Variants in CCDC88B observed in about 807,000 individuals in gnomAD.
CCDC88B encodes the protein coiled-coil and HOOK domain protein 88B, also known as coiled-coil domain-containing protein 88B.
In CCDC88B, 138 loss-of-function variants were observed where a neutral mutation model predicts 183.7. That is an observed-to-expected ratio of 0.75 (90% CI 0.65 to 0.87). CCDC88B has a LOEUF of 0.87. Among genes scored for constraint, CCDC88B ranks in the 40% least tolerant of loss-of-function variants. The pLI is 0.00. For missense variants in CCDC88B, 1,822 were observed against 1,965.6 expected, an observed-to-expected ratio of 0.93 and a Z score of 1.38; for synonymous variants, 835 against 867.5, an observed-to-expected ratio of 0.96 and a Z score of 0.66.
Position 64,352,155 on chromosome 11 carries a change from A to G in CCDC88B, c.3125A>G (p.Gln1042Arg). ...LQAEKSVLEI[Q>R]GQELHRKLEV... ...GCCGAGAAGTCTGTGCTGGAGATTCAGGGCCAGGAGCTGCACCGGAAGCTG... is the reference window on the plus strand; with the variant it reads ...GCCGAGAAGTCTGTGCTGGAGATTCGGGGCCAGGAGCTGCACCGGAAGCTG... Residue 1042 changes from glutamine to arginine, a missense_variant, in exon 19 of 27, where the codon CAG (glutamine) becomes CGG (arginine). Transcript: ENST00000356786. 6.3e-7 allele frequency: 1 copy of G among 1,589,694 alleles called. No homozygotes were observed. The highest frequency in any genetic ancestry group is 8.6e-7 in the Non-Finnish European group (1 of 1,163,888).
intron 18 of CCDC88B, 39 bp downstream of exon 18, chr11:64,351,655 T>G: frequency 6.6e-7 from 1 of 1,511,764 alleles, no homozygotes; most frequent in Non-Finnish European, 8.8e-7. Context: ...GCCCATGTAC[T>G]GCCCCCTCCT....
At chr11:64,355,914 C>G in intron 26 of CCDC88B, 1 of 330,802 alleles carries the variant, frequency 3.0e-6, no homozygotes. Flanking sequence ...TGAAAAGAGA[C>G]AGGTACAATG....
At chr11:64,342,950 A>T (rs11601860) in intron 10 of CCDC88B, 160,204 of 432,390 alleles carry the variant, frequency 0.37, 27,856 homozygotes, top group Admixed American at 0.43. Flanking sequence ...CATGGACAGA[A>T]GGGCGGGGCC....
intron 26 of CCDC88B, chr11:64,356,833 G>A: frequency 1.8e-6 from 1 of 544,414 alleles, no homozygotes; most frequent in Non-Finnish European, 3.3e-6. Flanking sequence ...GCAAAGACTT[G>A]GAGGGGAGAG....
chr11:64,352,647 G>A (rs2036383514), intron 19 of CCDC88B, 97 bp from the exon 20 acceptor site: 1 of 1,549,490 alleles, frequency 6.5e-7, no homozygotes, highest in East Asian at 2.3e-5. Flanking sequence ...AGGCTTAGGA[G>A]GTGACAGACC....
At position 64,344,009 on chromosome 11, in the gene CCDC88B, G is replaced by A. The variant is rs778703785; in HGVS notation, c.1468G>A (p.Glu490Lys). 23 of 1,555,558 alleles carry A rather than the reference G, an allele frequency of 1.5e-5. No homozygotes were observed. Among genetic ancestry groups the A allele is most frequent in the Non-Finnish European group, 2.0e-5 (23 of 1,149,340 alleles). The change falls in exon 14 of 27, where the codon GAG becomes AAG. Residue 490 changes from glutamate (E) to lysine (K), a missense_variant. By Grantham distance (56) the Glu-to-Lys change is moderately conservative (BLOSUM62 1). Coordinates refer to ENST00000356786, the MANE Select transcript of CCDC88B (RefSeq NM_032251.6). This position sits in a 1 kb window ranked among gnomAD's most constrained non-coding sequence, Gnocchi z 4.5. ...CGTATGCCCTCAGCACCCCCTGCTGGAGGCACCGAGAGAGGACCCTGTTCT... is the reference window on the plus strand; with the variant it reads ...CGTATGCCCTCAGCACCCCCTGCTGAAGGCACCGAGAGAGGACCCTGTTCT... ...GQPGGQHPLLEAPREDPVLPV... is the reference protein window; with the variant it reads ...GQPGGQHPLLKAPREDPVLPV...
chr11:64,355,429 A>T, intron 25 of CCDC88B, 29 bp downstream of exon 25: 1 of 1,586,470 alleles, frequency 6.3e-7, no homozygotes, highest in Non-Finnish European at 8.6e-7. Context: ...TGTACCAGCC[A>T]GCCCCCCAAC....
Position 64,341,515 on chromosome 11 carries a change from G to A in CCDC88B, c.531+11G>A. ...GCTGCCATCCAGGAGGTACTGAGAC[G>A]GTTCGGCAGCCCAGACTGGTATGGC... On this transcript the variant is annotated intron_variant, in intron 6 of 26. Transcript: ENST00000356786. 1.2e-6 allele frequency: 2 copies of A among 1,613,520 alleles called. No homozygotes were observed. Among genetic ancestry groups the A allele is most frequent in the East Asian group, 2.2e-5 (1 of 44,844 alleles).
chr11:64,351,169 G>T lies in CCDC88B; in HGVS notation c.2872G>T (p.Gly958Cys). 6.7e-7 allele frequency: 1 copy of T among 1,481,946 alleles called. No individual in the cohort carries two copies. The allele number at this position is 1,481,946 out of a possible 1,614,324, so 91.8% of individuals were successfully genotyped here. The change falls in exon 17 of 27, where the codon GGC (glycine) becomes TGC (cysteine). Residue 958 changes from glycine (G) to cysteine (C), a missense_variant. Gly to Cys is a radical substitution (Grantham distance 159). Transcript: ENST00000356786. ...LEEELFQLRQ[G>C]PAGLGPKKRA... ...GGGACTCTCCTTGCAGCTGCGCCAG[G>T]GCCCCGCGGGGCTGGGGCCCAAAAA...
In CCDC88B at chr11:64,344,542, C is replaced by G; in HGVS notation, c.2001C>G (p.Asn667Lys). The change falls in exon 14 of 27, where the codon AAC (asparagine) becomes AAG (lysine). Residue 667 changes from asparagine to lysine, a missense_variant. Physicochemically the swap from Asn to Lys is moderately conservative, Grantham distance 94. Coordinates refer to ENST00000356786, the MANE Select transcript of CCDC88B (RefSeq NM_032251.6). This position sits in a 1 kb window ranked among gnomAD's most constrained non-coding sequence, Gnocchi z 4.5. ...SVQLEEQEGP[N>K]QGLDLATGQA... is the part of the protein sequence containing the mutation. ...AGCTGGAGGAGCAGGAGGGCCCAAACCAGGGCCTGGACCTGGCCACGGGAC... is the reference window on the plus strand; with the variant it reads ...AGCTGGAGGAGCAGGAGGGCCCAAAGCAGGGCCTGGACCTGGCCACGGGAC... The G allele has an allele frequency of 6.2e-7, 1 of 1,604,894 alleles. No homozygotes were observed.
rs1160663151 is a variant in CCDC88B at position 64,342,922 on chromosome 11, C to CG, written c.1062+249dup. The CG allele has an allele frequency of 1.6e-3, 381 of 236,090 alleles. 1 individual carries two copies. In the African/African-American group the frequency reaches 0.046, roughly 28 times the overall value. The allele number at this position is 236,090 out of a possible 1,614,324, so 14.6% of individuals were successfully genotyped here. ...GCAGCCTTGGAAGGAGGGCTGTTCCCGGGGGGGAGGGGCGGGGCATGGACA... is the reference window on the plus strand; with the variant it reads ...GCAGCCTTGGAAGGAGGGCTGTTCCCGGGGGGGGAGGGGCGGGGCATGGACA... On this transcript the variant is annotated intron_variant, in intron 10 of 26. Coordinates refer to ENST00000356786, the MANE Select transcript of CCDC88B (RefSeq NM_032251.6).
intron 26 of CCDC88B, 171 bp from the exon 27 acceptor site, chr11:64,356,868 A>C (rs1353101978): frequency 3.2e-6 from 2 of 628,558 alleles, no homozygotes; most frequent in Non-Finnish European, 2.8e-6. Flanking sequence ...ATACCTGAGA[A>C]CAGCATTCTG....
At chr11:64,356,772 T>G in intron 26 of CCDC88B, 11 of 454,754 alleles carry the variant, frequency 2.4e-5, no homozygotes, top group East Asian at 1.0e-4. Context: ...CTGGTTGGAG[T>G]TTTAGTAACT....
Position 64,344,802 on chromosome 11 carries a change from A to C in CCDC88B, c.2261A>C (p.Lys754Thr). ...LGDELEAQAR[K>T]LEAQNTEAAR... ...GATGAGCTGGAAGCCCAGGCCCGCAAGCTGGAGGCCCAAAACACGGAGGCT... is the reference window on the plus strand; with the variant it reads ...GATGAGCTGGAAGCCCAGGCCCGCACGCTGGAGGCCCAAAACACGGAGGCT... Residue 754 changes from lysine to threonine, a missense_variant, in exon 14 of 27, where the codon AAG (lysine) becomes ACG (threonine). Transcript: ENST00000356786. The surrounding 1 kb of genome is among the most constrained non-coding windows in gnomAD (Gnocchi z 4.5). The C allele has an allele frequency of 6.2e-7, 1 of 1,613,108 alleles. No homozygotes were observed. Among genetic ancestry groups the C allele is most frequent in the Non-Finnish European group, 8.5e-7 (1 of 1,179,688 alleles).
Position 64,349,469 on chromosome 11 carries a change from G to T in CCDC88B, c.2744+11G>T. The T allele has an allele frequency of 6.2e-7, 1 of 1,609,336 alleles. No homozygotes were observed. The highest frequency in any genetic ancestry group is 8.5e-7 in the Non-Finnish European group (1 of 1,177,684). On this transcript the variant is annotated intron_variant, in intron 15 of 26. Coordinates refer to ENST00000356786, the MANE Select transcript of CCDC88B (RefSeq NM_032251.6). ...AAGCCAGCACCAGAGGTGGGGACAG[G>T]GCTGAGGGGAAGAATGAGGGAGGCA...
At position 64,344,618 on chromosome 11, in the gene CCDC88B, C is replaced by A. The variant is rs374880639; in HGVS notation, c.2077C>A (p.Pro693Thr). Residue 693 changes from proline to threonine, a missense_variant, in exon 14 of 27, where the codon CCA becomes ACA. By Grantham distance (38) the Pro-to-Thr change is conservative. Transcript: ENST00000356786. This position sits in a 1 kb window ranked among gnomAD's most constrained non-coding sequence, Gnocchi z 4.5. The stretch of plus-strand genomic sequence containing the variant: ...GAGGCTGGAAGGGACGGTCAGGGAC[C>A]CAGCCTGGCAAAAACCACAGCAGAA... ...DQRLEGTVRD[P>T]AWQKPQQKSE... is the part of the protein sequence containing the mutation. 49 of 1,612,928 alleles carry A rather than the reference C, an allele frequency of 3.0e-5. No individual in the cohort carries two copies. The African/African-American group carries it at 6.1e-4, about 20-fold the overall frequency.
At chr11:64,351,770 A>G (rs928425049) in intron 18 of CCDC88B, among the ~76,000 whole-genome samples, 154 bp downstream of exon 18, 4 of 151,342 alleles carry the variant, frequency 2.6e-5, no homozygotes, top group African/African-American at 9.7e-5. Context: ...CCCAGCCACC[A>G]TTTTGCACCA....
intron 11 of CCDC88B, 87 bp from the exon 12 acceptor site, chr11:64,343,420 T>C (rs552535568): frequency 6.5e-7 from 1 of 1,540,212 alleles, no homozygotes; most frequent in Non-Finnish European, 8.8e-7. Context: ...CAACCTCTGC[T>C]CTTGGTGACC....
intron 1 of CCDC88B, 74 bp downstream of exon 1, chr11:64,340,400 G>T (rs2035783832): frequency 1.5e-5 from 20 of 1,290,352 alleles, no homozygotes; most frequent in Non-Finnish European, 2.0e-5. Flanking sequence ...GCGCTGGCCG[G>T]GGGAGGGTGA....
Sources: gnomAD v4.1 joint callset for allele counts (sites outside exome capture counted in the v4.1 genomes callset) on GRCh38, gnomAD v4.1.1 for gene constraint, Gnocchi (gnomAD v3.1) non-coding constraint, MANE v1.5 for transcripts, NCBI Gene and HGNC (gene_info 2026-07-23, HGNC 2026-07-21) for gene names.